PDE3B: variants seen among roughly 807,000 people sequenced by gnomAD.
PDE3B encodes the protein phosphodiesterase 3B, also known as cGMP-inhibited 3',5'-cyclic phosphodiesterase 3B.
PDE3B carries 66 observed loss-of-function variants against 116.8 expected under a neutral mutation model. The observed-to-expected ratio is 0.56, with a 90% confidence interval of 0.46 to 0.69. The LOEUF is 0.69. Ranked by LOEUF, PDE3B falls within the 30% of genes least tolerant of loss-of-function variation. PDE3B has a pLI of 0.00. For synonymous variants in PDE3B, 595 were observed against 533.6 expected (o/e 1.12, Z -1.59); for missense variants, 1,384 against 1,368.1 (o/e 1.01, Z -0.18).
intron 1 of PDE3B, among the ~76,000 whole-genome samples, chr11:14,665,139 G>A (rs1362008115): frequency 1.3e-5 from 2 of 152,096 alleles, no homozygotes; most frequent in Non-Finnish European, 2.9e-5. Flanking sequence ...ATGTAATCCA[G>A]CATATAAACA....
At chr11:14,796,739 A>T (rs1858568553) in intron 4 of PDE3B, among the ~76,000 whole-genome samples, 1 of 152,150 alleles carries the variant, frequency 6.6e-6, no homozygotes, top group Non-Finnish European at 1.5e-5. Flanking sequence ...AATTTGTTTA[A>T]GTTCTTTGTA....
At chr11:14,844,430 C>CT (rs1191760470) in intron 12 of PDE3B, among the ~76,000 whole-genome samples, 3 of 152,236 alleles carry the variant, frequency 2.0e-5, no homozygotes, top group Non-Finnish European at 4.4e-5. Flanking sequence ...GTGATTTCTG[C>CT]ATTTCCATCG....
intron 7 of PDE3B, among the ~76,000 whole-genome samples, chr11:14,826,665 A>G (rs557585572): frequency 6.8e-4 from 103 of 152,332 alleles, no homozygotes; most frequent in African/African-American, 2.2e-3. Flanking sequence ...AATAAAGCCC[A>G]GGACCAGATG....
intron 1 of PDE3B, among the ~76,000 whole-genome samples, chr11:14,711,966 T>C (rs1353437570): frequency 1.3e-5 from 2 of 152,196 alleles, no homozygotes; most frequent in Non-Finnish European, 2.9e-5. Flanking sequence ...CCTAAAGTAG[T>C]ACAAATAATT....
chr11:14,780,942 G>A (rs1857975063), intron 2 of PDE3B, among the ~76,000 whole-genome samples: 1 of 151,996 alleles, frequency 6.6e-6, no homozygotes, highest in Admixed American at 6.6e-5. Context: ...GAAGAAAAGA[G>A]AAGAATCAAA....
At chr11:14,786,762 A>T (rs1432870997) in intron 3 of PDE3B, 77 bp downstream of exon 3, 1 of 1,179,834 alleles carries the variant, frequency 8.5e-7, no homozygotes, top group East Asian at 2.4e-5. Context: ...TTTAAATTCT[A>T]TATAGAATAC....
intron 1 of PDE3B, among the ~76,000 whole-genome samples, chr11:14,735,595 A>T (rs1856574252): frequency 6.6e-6 from 1 of 152,200 alleles, no homozygotes; most frequent in Non-Finnish European, 1.5e-5. Flanking sequence ...CCAGCCACGA[A>T]TGGCTGTTTA....
At chr11:14,760,085 G>A (rs1857313568) in intron 1 of PDE3B, among the ~76,000 whole-genome samples, 3 of 151,988 alleles carry the variant, frequency 2.0e-5, no homozygotes, top group Admixed American at 2.0e-4. Flanking sequence ...AGATTTTGTA[G>A]TTAGAGAAAC....
rs553036018 is a variant in PDE3B at position 14,811,704 on chromosome 11, G to A, written c.1523-6479G>A. On this transcript the variant is annotated intron_variant, in intron 5 of 15. Transcript: ENST00000282096. The stretch of plus-strand genomic sequence containing the variant: ...AAGTCATTGGTAGCTTGATGGGGAT[G>A]GCATTGAATCTGTAAATTACCTTGG... 5.8e-3 allele frequency among the ~76,000 whole-genome samples: 888 copies of A among 151,874 alleles called. 2 individuals carry two copies. Among genetic ancestry groups the A allele is most frequent in the Non-Finnish European group, 9.2e-3 (624 of 67,894 alleles).
At chr11:14,753,376 C>T (rs545043681) in intron 1 of PDE3B, among the ~76,000 whole-genome samples, 228 of 152,086 alleles carry the variant, frequency 1.5e-3, no homozygotes, top group Non-Finnish European at 2.4e-3. Flanking sequence ...AATTGAATGC[C>T]CTAAATGATG....
intron 2 of PDE3B, chr11:14,774,754 C>T (rs1335094247): frequency 1.3e-5 from 2 of 152,204 alleles, no homozygotes; most frequent in Non-Finnish European, 2.9e-5. Context: ...GTTATCATGT[C>T]ACTCTCTTGC....
intron 1 of PDE3B, among the ~76,000 whole-genome samples, chr11:14,733,184 G>A (rs1856507903): frequency 6.6e-6 from 1 of 152,152 alleles, no homozygotes; most frequent in South Asian, 2.1e-4. Flanking sequence ...ATTGTTATTA[G>A]TCAACAAGGA....
rs553052712 is a variant in PDE3B at position 14,867,909 on chromosome 11, C to T, written c.3139+151C>T. ...AATATTCATTGGGACACTTGGATTT[C>T]AGATTTTTCAATTAGGGGTGCTAAA... is the stretch of plus-strand genomic sequence containing the variant. On this transcript the variant is annotated intron_variant, in intron 15 of 15. Coordinates refer to ENST00000282096, the MANE Select transcript of PDE3B (RefSeq NM_000922.4). The T allele has an allele frequency of 2.2e-5, 14 of 640,398 alleles. No individual in the cohort carries two copies. The South Asian group carries it at 3.0e-4, about 14-fold the overall frequency. The allele number at this position is 640,398 out of a possible 1,614,324, so 39.7% of individuals were successfully genotyped here. A position where few individuals can be genotyped will look rare whatever the true frequency, so the allele number is the denominator to read the frequency against.
chr11:14,708,772 T>A (rs1565101074), intron 1 of PDE3B, among the ~76,000 whole-genome samples: 2 of 150,910 alleles, frequency 1.3e-5, no homozygotes, highest in Admixed American at 1.3e-4. Context: ...CAGGGGTGAA[T>A]TATATATATA....
Position 14,843,951 on chromosome 11 carries a change from C to A in PDE3B, c.2445C>A (p.Tyr815Ter). 1 of 1,614,050 alleles carries A rather than the reference C, an allele frequency of 6.2e-7. No individual in the cohort carries two copies. The highest frequency in any genetic ancestry group is 8.5e-7 in the Non-Finnish European group (1 of 1,179,944). The part of the protein sequence containing the change: ...NIPALELMAL[Y>*]VAAAMHDYDH... ...CTGCATTAGAATTGATGGCTCTATACGTGGCAGCTGCCATGCATGATTATG... is the reference window on the plus strand; with the variant it reads ...CTGCATTAGAATTGATGGCTCTATAAGTGGCAGCTGCCATGCATGATTATG... The change falls in exon 12 of 16, where the codon TAC (tyrosine) becomes TAA (stop). Residue 815 changes from tyrosine to a stop codon, truncating the protein, a stop_gained. Coordinates refer to ENST00000282096, the MANE Select transcript of PDE3B (RefSeq NM_000922.4). LOFTEE classifies it high-confidence loss of function.
intron 14 of PDE3B, 71 bp from the exon 15 acceptor site, chr11:14,867,435 A>G: frequency 1.5e-6 from 2 of 1,357,914 alleles, no homozygotes; most frequent in Admixed American, 2.3e-5. Flanking sequence ...ACTCAAGATA[A>G]TTTTAACAGC....
In PDE3B at chr11:14,644,690, G is replaced by C. The variant is rs773529701; in HGVS notation, c.615G>C (p.Gly205=). ...TGCTGCTGGTGCTGAGCTGCGTAGG[G>C]CTGCTGCTGACGCTCGCGCACCCGC... The part of the protein sequence containing the change: ...GRLLLVLSCV[G]LLLTLAHPLR... The change falls in exon 1 of 16, where the codon GGG becomes GGC. Residue 205 remains glycine (G), a synonymous_variant. Coordinates refer to ENST00000282096, the MANE Select transcript of PDE3B (RefSeq NM_000922.4). 19 of 1,514,690 alleles carry C rather than the reference G, an allele frequency of 1.3e-5. No individual in the cohort carries two copies. The East Asian group carries it at 4.6e-4, about 37-fold the overall frequency. The allele number at this position is 1,514,690 out of a possible 1,614,324, so 93.8% of individuals were successfully genotyped here. A position where few individuals can be genotyped will look rare whatever the true frequency, so the allele number is the denominator to read the frequency against.
chr11:14,688,113 T>G (rs185817907), intron 1 of PDE3B, among the ~76,000 whole-genome samples: 2 of 109,942 alleles, frequency 1.8e-5, no homozygotes, highest in East Asian at 2.7e-4. Flanking sequence ...CTCTCTCTCT[T>G]TCTCTCTCTC....
In PDE3B at chr11:14,644,509, C is replaced by T. The variant is rs150140865; in HGVS notation, c.434C>T (p.Pro145Leu). The change falls in exon 1 of 16, where the codon CCG becomes CTG. Residue 145 changes from proline (P) to leucine (L), a missense_variant. This residue lies in a region of PDE3B where 956 missense variants were observed against 806.8 expected (regional missense o/e 1.18). Transcript: ENST00000282096. ...ACCCGGACCAAGCGGGGACCCGGCCCGGGCCGGAGCTGCGGCTCCTGGTGG... is the reference window on the plus strand; with the variant it reads ...ACCCGGACCAAGCGGGGACCCGGCCTGGGCCGGAGCTGCGGCTCCTGGTGG... ...FLTRTKRGPGPGRSCGSWWLL... is the reference protein window; with the variant it reads ...FLTRTKRGPGLGRSCGSWWLL... 3 of 1,610,000 alleles carry T rather than the reference C, an allele frequency of 1.9e-6. No homozygotes were observed. The highest frequency in any genetic ancestry group is 1.3e-5 in the African/African-American group (1 of 74,876).
Sources: gnomAD v4.1 joint callset for allele counts (sites outside exome capture counted in the v4.1 genomes callset) on GRCh38, gnomAD v4.1.1 for gene constraint, gnomAD v4.1.1 regional missense constraint, MANE v1.5 for transcripts, NCBI Gene and HGNC (gene_info 2026-07-23, HGNC 2026-07-21) for gene names.